CSMD1: variants seen among roughly 807,000 people sequenced by gnomAD.
The protein encoded by CSMD1 is CUB and sushi domain-containing protein 1.
A neutral mutation model predicts 417.5 loss-of-function variants in CSMD1; 213 were observed. The ratio of observed to expected loss-of-function variants is 0.51; its 90% CI spans 0.46 to 0.57. The LOEUF (loss-of-function observed/expected upper bound fraction) is 0.57. Ranked by LOEUF, CSMD1 falls within the 20% of genes least tolerant of loss-of-function variation. The probability of loss-of-function intolerance (pLI) is 0.00; values close to 1 mark genes in which losing one functional copy is unlikely to be tolerated. For synonymous variants in CSMD1, 2,862 were observed against 1,736.8 expected (o/e 1.65, Z -16.11); for missense variants, 6,923 against 4,529.7 (o/e 1.53, Z -15.17).
intron 8 of CSMD1, 136 bp downstream of exon 8, chr8:3,616,574 A>T: frequency 1.6e-6 from 1 of 613,200 alleles, no homozygotes; most frequent in Non-Finnish European, 2.8e-6. Context: ...AATTGTGATT[A>T]CACACATTTA....
At chr8:4,765,805 G>C (rs891055874) in intron 1 of CSMD1, among the ~76,000 whole-genome samples, 4 of 152,302 alleles carry the variant, frequency 2.6e-5, no homozygotes, top group Non-Finnish European at 1.5e-5. Flanking sequence ...ATGAAAGGTA[G>C]CTGGATGTGG....
At chr8:4,703,323 T>C (rs1807706580) in intron 1 of CSMD1, among the ~76,000 whole-genome samples, 2 of 152,204 alleles carry the variant, frequency 1.3e-5, no homozygotes, top group Admixed American at 6.5e-5. Context: ...GTTTTTCAAA[T>C]ATACGTCGCT....
chr8:3,296,557 T>C (rs1467395841), intron 25 of CSMD1, among the ~76,000 whole-genome samples: 1 of 152,136 alleles, frequency 6.6e-6, no homozygotes, highest in African/African-American at 2.4e-5. Flanking sequence ...GCTTGCTCTG[T>C]TGACAACATG....
intron 9 of CSMD1, among the ~76,000 whole-genome samples, chr8:3,584,003 G>A (rs1055714364): frequency 1.3e-5 from 2 of 151,896 alleles, no homozygotes; most frequent in Non-Finnish European, 2.9e-5. Flanking sequence ...GTCAACACTA[G>A]TAAAACCCAT....
intron 7 of CSMD1, among the ~76,000 whole-genome samples, chr8:3,662,779 G>A (rs1259604303): frequency 2.0e-5 from 3 of 151,968 alleles, no homozygotes; most frequent in Admixed American, 2.0e-4. Flanking sequence ...CATAAGTGGG[G>A]TTGAACAATG....
At chr8:3,662,705 T>C (rs986719011) in intron 7 of CSMD1, among the ~76,000 whole-genome samples, 2 of 152,160 alleles carry the variant, frequency 1.3e-5, no homozygotes, top group East Asian at 1.9e-4. Context: ...TGGATGAAGC[T>C]GGAAGCCATC....
chr8:4,458,662 T>C (rs1008304229), intron 2 of CSMD1, among the ~76,000 whole-genome samples: 2 of 152,174 alleles, frequency 1.3e-5, no homozygotes, highest in African/African-American at 4.8e-5. Flanking sequence ...TTCTCAAAGG[T>C]CCTTGTCTGA....
chr8:4,540,313 C>T (rs566187821), intron 2 of CSMD1, among the ~76,000 whole-genome samples: 2 of 152,204 alleles, frequency 1.3e-5, no homozygotes, highest in Non-Finnish European at 2.9e-5. Flanking sequence ...CAGAAATCAC[C>T]ACTAAAAAAC....
chr8:4,121,961 TTAA>T (rs1291155659), intron 3 of CSMD1, among the ~76,000 whole-genome samples: 4 of 152,072 alleles, frequency 2.6e-5, no homozygotes, highest in Admixed American at 6.5e-5. Flanking sequence ...AATTTAAATT[TTAA>T]TAATGCTTAT....
intron 3 of CSMD1, among the ~76,000 whole-genome samples, chr8:4,095,089 G>A (rs1008856177): frequency 3.3e-5 from 5 of 152,172 alleles, no homozygotes; most frequent in African/African-American, 9.7e-5. Context: ...TAATGTAACT[G>A]CAGAGGAAAC....
intron 1 of CSMD1, among the ~76,000 whole-genome samples, chr8:4,802,581 T>C (rs907639693): frequency 6.6e-6 from 1 of 152,168 alleles, no homozygotes; most frequent in Non-Finnish European, 1.5e-5. Flanking sequence ...GAGATCACAA[T>C]GTTTTTTTCT....
At chr8:3,995,295 A>G (rs1815116794) in intron 5 of CSMD1, among the ~76,000 whole-genome samples, 1 of 152,230 alleles carries the variant, frequency 6.6e-6, no homozygotes, top group Admixed American at 6.5e-5. Flanking sequence ...GAAAGCTGAG[A>G]GTTCCACTTA....
chr8:4,443,902 A>G (rs528509806), intron 2 of CSMD1, among the ~76,000 whole-genome samples: 55 of 152,320 alleles, frequency 3.6e-4, no homozygotes, highest in African/African-American at 1.2e-3. Context: ...CATCACATCT[A>G]CAGGAGTCCT....
chr8:3,588,847 A>G (rs1236288429), intron 8 of CSMD1, among the ~76,000 whole-genome samples: 1 of 152,152 alleles, frequency 6.6e-6, no homozygotes, highest in East Asian at 1.9e-4. Flanking sequence ...ATGCGTTCAT[A>G]TCCACAAATA....
chr8:3,445,616 A>G (rs1056376260), intron 12 of CSMD1, among the ~76,000 whole-genome samples: 2 of 152,150 alleles, frequency 1.3e-5, no homozygotes, highest in African/African-American at 4.8e-5. Flanking sequence ...GAAGGCCAGA[A>G]GAGAGGCCAT....
At chr8:4,905,135 A>G (rs577377244) in intron 1 of CSMD1, among the ~76,000 whole-genome samples, 2 of 152,280 alleles carry the variant, frequency 1.3e-5, no homozygotes, top group Admixed American at 6.5e-5. Flanking sequence ...TTTAAATGTC[A>G]TAAGGAATGA....
chr8:3,291,697 T>G (rs1213021474), intron 25 of CSMD1, among the ~76,000 whole-genome samples: 1 of 151,764 alleles, frequency 6.6e-6, no homozygotes, highest in African/African-American at 2.4e-5. Flanking sequence ...TTTTATTATG[T>G]CTATTTGATT....
intron 3 of CSMD1, among the ~76,000 whole-genome samples, chr8:4,341,898 A>AT (rs1272672529): frequency 1.3e-5 from 2 of 152,054 alleles, no homozygotes; most frequent in Non-Finnish European, 2.9e-5. Flanking sequence ...TAACTTTCTG[A>AT]TTACTCATTA....
intron 5 of CSMD1, among the ~76,000 whole-genome samples, chr8:3,954,179 C>G (rs1052319387): frequency 6.6e-5 from 10 of 152,288 alleles, no homozygotes; most frequent in Admixed American, 3.9e-4. Flanking sequence ...CTTGCATCCT[C>G]AGAAGAAGGA....
Sources: gnomAD v4.1 joint callset for allele counts (sites outside exome capture counted in the v4.1 genomes callset) on GRCh38, gnomAD v4.1.1 for gene constraint, MANE v1.5 for transcripts, NCBI Gene and HGNC (gene_info 2026-07-23, HGNC 2026-07-21) for gene names.